The following TANC1 variants were observed in gnomAD, a reference collection of about 807,000 sequenced individuals.
The protein encoded by TANC1 is protein TANC1.
In TANC1, 77 loss-of-function variants were observed where a neutral mutation model predicts 149.7. The observed-to-expected ratio is 0.51, with a 90% CI of 0.43 to 0.62. TANC1 has a LOEUF of 0.62. Ranked by LOEUF, TANC1 falls within the 20% of genes least tolerant of loss-of-function variation. The pLI is 0.00. For synonymous variants in TANC1, 854 were observed against 925.0 expected (o/e 0.92, Z 1.39); for missense variants, 1,985 against 2,321.8 (o/e 0.85, Z 2.98).
At chr2:159,075,321 A>G (rs2043551322) in intron 3 of TANC1, among the ~76,000 whole-genome samples, 1 of 151,804 alleles carries the variant, frequency 6.6e-6, no homozygotes, top group African/African-American at 2.4e-5. Flanking sequence ...TAATCCCAAC[A>G]CTTTGGGAGG....
chr2:158,997,113 TG>T (rs1230777084), intron 1 of TANC1, among the ~76,000 whole-genome samples: 1 of 152,172 alleles, frequency 6.6e-6, no homozygotes, highest in African/African-American at 2.4e-5. Flanking sequence ...TGGAAAATGG[TG>T]TTTTGACTAT....
At chr2:159,064,228 A>G (rs1310633178) in intron 2 of TANC1, among the ~76,000 whole-genome samples, 1 of 152,180 alleles carries the variant, frequency 6.6e-6, no homozygotes, top group Non-Finnish European at 1.5e-5. Flanking sequence ...CATCGGTTCC[A>G]TATGGAAACT....
At chr2:159,106,186 G>C (rs552876227) in intron 4 of TANC1, among the ~76,000 whole-genome samples, 205 of 152,096 alleles carry the variant, frequency 1.3e-3, no homozygotes, top group Non-Finnish European at 2.4e-3. Flanking sequence ...TCTTTTTGTA[G>C]CATTTTCACA....
chr2:159,196,770 G>A lies in TANC1; in HGVS notation c.3142G>A (p.Ala1048Thr). Residue 1048 changes from alanine to threonine, a missense_variant, in exon 18 of 27, where the codon GCG (alanine) becomes ACG (threonine). Physicochemically the swap from Ala to Thr is moderately conservative, Grantham distance 58 (BLOSUM62 0). Coordinates refer to ENST00000263635, the MANE Select transcript of TANC1 (RefSeq NM_033394.3). ...SHALQQALTA[A>T]ASMGHSSVVQ... is the part of the protein sequence containing the mutation. ...CGCCCTGCAGCAGGCGCTGACCGCGGCGGCCAGCATGGGCCACAGCTCGGT... is the reference window on the plus strand; with the variant it reads ...CGCCCTGCAGCAGGCGCTGACCGCGACGGCCAGCATGGGCCACAGCTCGGT... 1 of 1,612,466 alleles carries A rather than the reference G, an allele frequency of 6.2e-7. No individual in the cohort carries two copies. Among genetic ancestry groups the A allele is most frequent in the African/African-American group, 1.3e-5 (1 of 75,054 alleles).
chr2:158,987,749 C>G (rs1280411178), intron 1 of TANC1, among the ~76,000 whole-genome samples: 3 of 152,130 alleles, frequency 2.0e-5, no homozygotes, highest in East Asian at 3.9e-4. Flanking sequence ...CACAGCCTCC[C>G]TGAGCTGTTT....
chr2:158,996,141 A>G (rs951449888), intron 1 of TANC1, among the ~76,000 whole-genome samples: 1 of 152,240 alleles, frequency 6.6e-6, no homozygotes, highest in African/African-American at 2.4e-5. Context: ...GTTTGAGCCC[A>G]GGAGTTCGAG....
intron 5 of TANC1, among the ~76,000 whole-genome samples, chr2:159,141,940 C>A (rs1017145080): frequency 6.6e-6 from 1 of 152,006 alleles, no homozygotes; most frequent in East Asian, 1.9e-4. Context: ...GGCCGTAGAT[C>A]TACAGGAAAA....
chr2:159,127,977 G>C (rs2049647952), intron 4 of TANC1, among the ~76,000 whole-genome samples: 1 of 152,250 alleles, frequency 6.6e-6, no homozygotes, highest in Admixed American at 6.5e-5. Flanking sequence ...AATAAAGGCT[G>C]TCTGCCCTTT....
chr2:159,140,989 C>G (rs979023285), intron 5 of TANC1, among the ~76,000 whole-genome samples: 6 of 152,046 alleles, frequency 3.9e-5, no homozygotes, highest in African/African-American at 1.4e-4. Flanking sequence ...CTATGCTTGG[C>G]CAGCAGATGG....
At chr2:159,065,081 G>C (rs984118123) in intron 2 of TANC1, among the ~76,000 whole-genome samples, 1 of 152,228 alleles carries the variant, frequency 6.6e-6, no homozygotes, top group Non-Finnish European at 1.5e-5. Context: ...AGTGGGGAGA[G>C]AGAGCTTAAA....
intron 2 of TANC1, among the ~76,000 whole-genome samples, chr2:159,050,090 A>T (rs1342013277): frequency 6.6e-6 from 1 of 152,164 alleles, no homozygotes; most frequent in Non-Finnish European, 1.5e-5. Context: ...GAGTAAGTCA[A>T]AATGCTTAGG....
intron 5 of TANC1, 117 bp from the exon 6 acceptor site, chr2:159,149,025 G>T: frequency 2.5e-6 from 3 of 1,220,182 alleles, no homozygotes; most frequent in South Asian, 1.6e-5. Context: ...AACTTTGTGC[G>T]CATTTTATAG....
chr2:159,134,378 C>T (rs932600799), intron 4 of TANC1, among the ~76,000 whole-genome samples: 1 of 152,208 alleles, frequency 6.6e-6, no homozygotes, highest in African/African-American at 2.4e-5. Context: ...GATCTTGGCT[C>T]ACTGCAACCT....
At chr2:159,212,329 C>T (rs1369985698) in intron 19 of TANC1, among the ~76,000 whole-genome samples, 1 of 152,106 alleles carries the variant, frequency 6.6e-6, no homozygotes, top group Non-Finnish European at 1.5e-5. Context: ...TGTTCCTTGC[C>T]TAGAGGAAAA....
At chr2:158,997,420 G>A (rs1360457239) in intron 1 of TANC1, among the ~76,000 whole-genome samples, 2 of 152,194 alleles carry the variant, frequency 1.3e-5, no homozygotes, top group African/African-American at 4.8e-5. Context: ...ATTTTAGTGT[G>A]TATTCATGGA....
At chr2:159,228,957 G>A (rs747340155) in intron 26 of TANC1, 61 bp downstream of exon 26, 9 of 1,354,628 alleles carry the variant, frequency 6.6e-6, no homozygotes, top group South Asian at 1.2e-5. Context: ...AAACCTGCCT[G>A]TTGAATTTGG....
chr2:159,160,327 T>C (rs1290879927), intron 7 of TANC1, among the ~76,000 whole-genome samples: 1 of 151,970 alleles, frequency 6.6e-6, no homozygotes, highest in African/African-American at 2.4e-5. Context: ...CAAATAGCAC[T>C]TTTTAGAGAT....
intron 2 of TANC1, among the ~76,000 whole-genome samples, chr2:159,017,904 A>C (rs2038438676): frequency 6.6e-6 from 1 of 152,168 alleles, no homozygotes. Context: ...ATGCCTTAGA[A>C]AGTGGCAGCA....
intron 3 of TANC1, among the ~76,000 whole-genome samples, chr2:159,076,113 C>G (rs566443451): frequency 6.6e-6 from 1 of 152,256 alleles, no homozygotes; most frequent in African/African-American, 2.4e-5. Context: ...CAATGATTGT[C>G]TTTTTCATGC....
Sources: allele counts gnomAD v4.1 joint callset (sites outside exome capture counted in the v4.1 genomes callset), GRCh38; gene constraint gnomAD v4.1.1; transcripts MANE v1.5; gene names NCBI Gene and HGNC (gene_info 2026-07-23, HGNC 2026-07-21).